The following TENM2 variants were observed in gnomAD, a reference collection of about 807,000 sequenced individuals.
The protein encoded by TENM2 is teneurin-2.
In TENM2, 52 loss-of-function variants were observed where a neutral mutation model predicts 245.2. The ratio of observed to expected loss-of-function variants is 0.21; its 90% CI spans 0.17 to 0.27. The LOEUF (loss-of-function observed/expected upper bound fraction) is 0.27. Among genes scored for constraint, TENM2 ranks in the 10% least tolerant of loss-of-function variants. TENM2 has a pLI of 1.00. For missense variants in TENM2, 3,046 were observed against 3,666.8 expected, an observed-to-expected ratio of 0.83 and a Z score of 4.37; for synonymous variants, 1,363 against 1,438.9, an observed-to-expected ratio of 0.95 and a Z score of 1.19.
chr5:167,696,720 G>A (rs898172), intron 2 of TENM2, among the ~76,000 whole-genome samples: 29,938 of 152,010 alleles, frequency 0.2, 3,402 homozygotes, highest in East Asian at 0.49. Flanking sequence ...CTCCGTTAGC[G>A]CGAAGGCCCT....
At chr5:168,253,403 A>C (rs1257446166) in intron 27 of TENM2, among the ~76,000 whole-genome samples, 1 of 151,664 alleles carries the variant, frequency 6.6e-6, no homozygotes, top group Non-Finnish European at 1.5e-5. Context: ...AGAGCAAAAA[A>C]AGCTAATAAA....
chr5:167,905,485 T>C (rs1776021561), intron 3 of TENM2, among the ~76,000 whole-genome samples: 1 of 152,182 alleles, frequency 6.6e-6, no homozygotes, highest in Non-Finnish European at 1.5e-5. Flanking sequence ...GATTTTTCAA[T>C]GAGAGCATCT....
chr5:167,188,712 G>A, the TENM2 span, among the ~76,000 whole-genome samples: 1 of 152,152 alleles, frequency 6.6e-6, no homozygotes, highest in Non-Finnish European at 1.5e-5. Flanking sequence ...CAGCCAGAAG[G>A]AGTCTTTAGG....
chr5:167,115,284 A>C, the TENM2 span, among the ~76,000 whole-genome samples: 2 of 152,054 alleles, frequency 1.3e-5, no homozygotes, highest in Admixed American at 6.6e-5. Flanking sequence ...AGAGGGGAGA[A>C]ATTTCCAATT....
chr5:168,062,363 A>G (rs1269942239), intron 7 of TENM2, 98 bp downstream of exon 9: 1 of 941,384 alleles, frequency 1.1e-6, no homozygotes, highest in Non-Finnish European at 1.6e-6. Flanking sequence ...CAATGCCTAT[A>G]ATTAAAAGAT....
chr5:167,778,376 A>G (rs1012088606), intron 2 of TENM2, among the ~76,000 whole-genome samples: 1 of 152,194 alleles, frequency 6.6e-6, no homozygotes, highest in Non-Finnish European at 1.5e-5. Context: ...TTTTAGGTCT[A>G]GTGTGTTGGG....
chr5:167,466,870 A>C (rs904122446), intron 2 of TENM2, among the ~76,000 whole-genome samples: 3 of 152,146 alleles, frequency 2.0e-5, no homozygotes, highest in Non-Finnish European at 2.9e-5. Flanking sequence ...GTGTATAAGG[A>C]GGCTCCAACT....
intron 2 of TENM2, among the ~76,000 whole-genome samples, chr5:167,762,622 C>G (rs976694206): frequency 1.3e-5 from 2 of 152,194 alleles, no homozygotes; most frequent in Non-Finnish European, 2.9e-5. Context: ...ATCAGAAAGG[C>G]TTTTGCTGTG....
chr5:167,647,005 T>G (rs1478007005), intron 2 of TENM2, among the ~76,000 whole-genome samples: 3 of 152,140 alleles, frequency 2.0e-5, no homozygotes, highest in African/African-American at 7.2e-5. Flanking sequence ...TTCCTCTACC[T>G]TGTTTATTTC....
In TENM2 at chr5:167,769,422, T is replaced by C. The variant is rs191746286; in HGVS notation, c.503-106564T>C. Among the ~76,000 whole-genome samples the C allele has an allele frequency of 8.5e-5, 13 of 152,330 alleles. No individual in the cohort carries two copies. The East Asian group carries it at 1.3e-3, about 16-fold the overall frequency. Reference sequence around the variant, plus strand: ...CATTTTGGACACTGGGGCCTTTTCATTGGCTAATGATAATTTCTGTATGTT... The same window carrying C: ...CATTTTGGACACTGGGGCCTTTTCACTGGCTAATGATAATTTCTGTATGTT... On this transcript the variant is annotated intron_variant, in intron 2 of 28. Transcript: ENST00000518659.
At chr5:168,135,276 C>A (rs994617366) in intron 12 of TENM2, among the ~76,000 whole-genome samples, 1 of 151,452 alleles carries the variant, frequency 6.6e-6, no homozygotes, top group Non-Finnish European at 1.5e-5. Context: ...GGGTTATCTG[C>A]AGCCACACAG....
the TENM2 span, among the ~76,000 whole-genome samples, chr5:167,114,698 C>T: frequency 0.026 from 4,002 of 152,228 alleles, 176 homozygotes; most frequent in African/African-American, 0.091. Flanking sequence ...CTTGAGCCCT[C>T]AACAGCATGT....
At chr5:168,131,815 A>G (rs995747203) in intron 12 of TENM2, among the ~76,000 whole-genome samples, 2 of 152,146 alleles carry the variant, frequency 1.3e-5, no homozygotes, top group African/African-American at 4.8e-5. Context: ...GAAATTAGCC[A>G]CTGTGGAGCC....
rs17069566 is a variant in TENM2 at position 168,004,797 on chromosome 5, G to A, written c.1186+11615G>A. On this transcript the variant is annotated intron_variant, in intron 5 of 28. Coordinates refer to ENST00000518659, the Ensembl canonical transcript of TENM2. The stretch of plus-strand genomic sequence containing the variant: ...CACTGCACCTTTAAATCGCCTTGGG[G>A]GAAATCCAGATTTATCCTGCTCTGT... Among the ~76,000 whole-genome samples the A allele has an allele frequency of 6.4e-3, 971 of 151,872 alleles. 55 individuals are homozygous for A. In the East Asian group the frequency reaches 0.095, roughly 15 times the overall value.
the TENM2 span, among the ~76,000 whole-genome samples, chr5:167,033,744 A>T: frequency 1.3e-5 from 2 of 152,240 alleles, no homozygotes; most frequent in Admixed American, 6.5e-5. Context: ...GTAGGTAAGC[A>T]TATCAACATA....
At chr5:167,639,838 A>G (rs1779440682) in intron 2 of TENM2, among the ~76,000 whole-genome samples, 2 of 152,202 alleles carry the variant, frequency 1.3e-5, no homozygotes, top group African/African-American at 2.4e-5. Context: ...TGCCTGGTAC[A>G]TGGTAAATTC....
chr5:167,631,237 T>TA (rs368184192), intron 2 of TENM2, among the ~76,000 whole-genome samples: 12 of 152,068 alleles, frequency 7.9e-5, no homozygotes, highest in East Asian at 1.9e-4. Flanking sequence ...TGAGCTGTGA[T>TA]AAAAAAAGAT....
In TENM2 at chr5:167,384,735, G is replaced by A. The variant is rs145537965; in HGVS notation, c.502+9262G>A. 1.5e-3 allele frequency among the ~76,000 whole-genome samples: 231 copies of A among 152,262 alleles called. 4 individuals carry two copies. Among genetic ancestry groups the A allele is most frequent in the Middle Eastern group, 0.01 (3 of 292 alleles). ...ACACGCACACACACACACACGTTTG[G>A]ATGGAAAGTAACAAAGTTAGAAGTG... On this transcript the variant is annotated intron_variant, in intron 2 of 28. Coordinates refer to ENST00000518659, the Ensembl canonical transcript of TENM2.
chr5:167,771,956 GCTTT>G (rs898240021), intron 2 of TENM2, among the ~76,000 whole-genome samples: 3 of 152,190 alleles, frequency 2.0e-5, no homozygotes, highest in African/African-American at 4.8e-5. Context: ...TTTGAAATGC[GCTTT>G]CTAATTATAT....
Sources: gnomAD v4.1 joint callset for allele counts (sites outside exome capture counted in the v4.1 genomes callset) on GRCh38, gnomAD v4.1.1 for gene constraint, MANE v1.5 for transcripts, NCBI Gene and HGNC (gene_info 2026-07-23, HGNC 2026-07-21) for gene names.